The following ITPR1 variants were observed in gnomAD, a reference collection of about 807,000 sequenced individuals.
The protein encoded by ITPR1 is inositol 1,4,5-trisphosphate receptor type 1.
ITPR1 carries 96 observed loss-of-function variants against 318.4 expected under a neutral mutation model. The ratio of observed to expected loss-of-function variants is 0.30; its 90% CI spans 0.26 to 0.36. ITPR1 has a LOEUF of 0.36. Among genes scored for constraint, ITPR1 ranks in the 10% least tolerant of loss-of-function variants. The probability of loss-of-function intolerance (pLI) is 1.00; values close to 1 mark genes in which losing one functional copy is unlikely to be tolerated. For synonymous variants in ITPR1, 1,312 were observed against 1,289.9 expected (o/e 1.02, Z -0.37); for missense variants, 2,440 against 3,460.2 (o/e 0.71, Z 7.40).
At chr3:4,661,482 T>C (rs752330443) in intron 14 of ITPR1, among the ~76,000 whole-genome samples, 1 of 152,210 alleles carries the variant, frequency 6.6e-6, no homozygotes, top group Non-Finnish European at 1.5e-5. Context: ...TATACACTTT[T>C]ATTTCATGAA....
chr3:4,667,727 G>GTGCAT (rs1393505761), intron 18 of ITPR1, among the ~76,000 whole-genome samples, 178 bp downstream of exon 18: 1 of 152,142 alleles, frequency 6.6e-6, no homozygotes, highest in African/African-American at 2.4e-5. Context: ...AGACCTGGGG[G>GTGCAT]TGCATTCCTA....
At chr3:4,727,815 A>G (rs1001228368) in intron 42 of ITPR1, among the ~76,000 whole-genome samples, 8 of 152,140 alleles carry the variant, frequency 5.3e-5, no homozygotes, top group Admixed American at 2.0e-4. Flanking sequence ...GGCTCAAGCA[A>G]TCCTCTTGCC....
intron 39 of ITPR1, among the ~76,000 whole-genome samples, chr3:4,714,484 C>T (rs755920559): frequency 1.3e-5 from 2 of 152,162 alleles, no homozygotes; most frequent in Non-Finnish European, 2.9e-5. Flanking sequence ...GGCATGGCTT[C>T]TTCCAACTCT....
chr3:4,703,463 A>G (rs2094697114), intron 36 of ITPR1, among the ~76,000 whole-genome samples: 1 of 152,138 alleles, frequency 6.6e-6, no homozygotes, highest in South Asian at 2.1e-4. Context: ...AGCCTTTGAA[A>G]GGAAGTTAGG....
At chr3:4,503,222 T>A (rs1490853693) in intron 2 of ITPR1, among the ~76,000 whole-genome samples, 1 of 152,180 alleles carries the variant, frequency 6.6e-6, no homozygotes, top group Non-Finnish European at 1.5e-5. Context: ...CTTGGGAAAC[T>A]GTTGAGTATT....
At chr3:4,576,019 CAAAA>C (rs35517382) in intron 4 of ITPR1, among the ~76,000 whole-genome samples, 5 of 80,768 alleles carry the variant, frequency 6.2e-5, no homozygotes, top group Non-Finnish European at 5.7e-5. Context: ...GATGCTGTCT[CAAAA>C]AAAAAAAAAA....
chr3:4,583,178 C>G (rs967990716), intron 4 of ITPR1, among the ~76,000 whole-genome samples: 3 of 152,116 alleles, frequency 2.0e-5, no homozygotes, highest in African/African-American at 7.2e-5. Context: ...AAAAATACAG[C>G]TAAATAAACG....
At chr3:4,719,092 G>T (rs1008859736) in intron 40 of ITPR1, among the ~76,000 whole-genome samples, 5 of 152,190 alleles carry the variant, frequency 3.3e-5, no homozygotes, top group Admixed American at 3.3e-4. Context: ...TAGAACTTGG[G>T]TCTCCTGGCT....
rs530644976 is a variant in ITPR1 at position 4,550,138 on chromosome 3, C to T, written c.163+29044C>T. On this transcript the variant is annotated intron_variant, in intron 4 of 61. Coordinates refer to ENST00000649015, the MANE Select transcript of ITPR1 (RefSeq NM_001378452.1). ...AGCAAGTTGTCTGCTAACAGCTTGG[C>T]GCATGCCAGAAAGCTATTCTCGGTG... Among the ~76,000 whole-genome samples, 64 of 151,328 alleles carry T rather than the reference C, an allele frequency of 4.2e-4. 1 individual carries two copies. The highest frequency in any genetic ancestry group is 6.8e-3 in the Middle Eastern group (2 of 292).
chr3:4,523,543 C>A (rs144500216), intron 4 of ITPR1, among the ~76,000 whole-genome samples: 2 of 152,250 alleles, frequency 1.3e-5, no homozygotes, highest in East Asian at 3.9e-4. Context: ...ACTTATTCCT[C>A]CTAACTGAAA....
intron 2 of ITPR1, among the ~76,000 whole-genome samples, chr3:4,496,015 T>A (rs2080533420): frequency 1.3e-5 from 2 of 152,210 alleles, no homozygotes; most frequent in Admixed American, 6.5e-5. Flanking sequence ...AGGTATTAGA[T>A]ACTGTAATGA....
intron 4 of ITPR1, among the ~76,000 whole-genome samples, chr3:4,597,424 G>A (rs947542407): frequency 2.6e-5 from 4 of 152,192 alleles, no homozygotes; most frequent in South Asian, 2.1e-4. Flanking sequence ...TGATGAAGAC[G>A]TCATTTGAGC....
At chr3:4,840,007 C>G (rs1020252253) in intron 61 of ITPR1, among the ~76,000 whole-genome samples, 2 of 130,680 alleles carry the variant, frequency 1.5e-5, no homozygotes, top group Non-Finnish European at 3.1e-5. Flanking sequence ...CTCAGAATTA[C>G]AGGAAAAATT....
At position 4,652,227 on chromosome 3, in the gene ITPR1, C is replaced by T. The variant is rs908832824; in HGVS notation, c.951+9C>T. On this transcript the variant is annotated intron_variant, in intron 11 of 61. Transcript: ENST00000649015. ...ATTACTTGGCAGCAGAGGTAAGTAGCAGCTCCTGTGGTTTTCTCTTTCAAG... is the reference window on the plus strand; with the variant it reads ...ATTACTTGGCAGCAGAGGTAAGTAGTAGCTCCTGTGGTTTTCTCTTTCAAG... 3 of 1,596,808 alleles carry T rather than the reference C, an allele frequency of 1.9e-6. No individual in the cohort carries two copies. The highest frequency in any genetic ancestry group is 2.6e-6 in the Non-Finnish European group (3 of 1,167,616).
In ITPR1 at chr3:4,639,428, GA is replaced by G; in HGVS notation, c.327del (p.Lys109AsnfsTer6). 6.3e-7 allele frequency: 1 copy of G among 1,581,166 alleles called. No homozygotes were observed. Among genetic ancestry groups the G allele is most frequent in the Non-Finnish European group, 8.6e-7 (1 of 1,163,274 alleles). On this transcript the variant is annotated frameshift_variant, in exon 6 of 62. Transcript: ENST00000649015. LOFTEE classifies it high-confidence loss of function. Reference protein sequence around the residue: ...EKKQNETENRKLLGTVIQYGN... With the variant: ...EKKQNETENRXLLGTVIQYGN... ...AGAAGCAGAATGAGACAGAAAACAG[GA>G]AATTGCTGGGGACCGTAATCCAGTA...
intron 10 of ITPR1, among the ~76,000 whole-genome samples, chr3:4,650,959 G>T (rs2093584977): frequency 1.3e-5 from 2 of 152,184 alleles, no homozygotes; most frequent in Non-Finnish European, 2.9e-5. Flanking sequence ...GTACACTAAA[G>T]TGACCTGTGG....
chr3:4,728,148 A>G (rs1042928708), intron 42 of ITPR1, among the ~76,000 whole-genome samples: 2 of 152,238 alleles, frequency 1.3e-5, no homozygotes. Flanking sequence ...ATAAATTCCT[A>G]GAAGAGGAAT....
chr3:4,818,013 C>G (rs1251658250), intron 59 of ITPR1, 69 bp from the exon 60 acceptor site: 1 of 1,348,076 alleles, frequency 7.4e-7, no homozygotes, highest in Non-Finnish European at 1.0e-6. Flanking sequence ...ACTGACAGTT[C>G]TGTTATTGAT....
At position 4,670,845 on chromosome 3, in the gene ITPR1, T is replaced by C; in HGVS notation, c.2123T>C (p.Ile708Thr). The C allele has an allele frequency of 6.2e-7, 1 of 1,611,168 alleles. No individual in the cohort carries two copies. Among genetic ancestry groups the C allele is most frequent in the Non-Finnish European group, 8.5e-7 (1 of 1,178,722 alleles). Residue 708 changes from isoleucine (I) to threonine (T), a missense_variant, in exon 20 of 62, where the codon ATT (isoleucine) becomes ACT (threonine). Ile to Thr is a moderately conservative substitution (Grantham distance 89). Coordinates refer to ENST00000649015, the MANE Select transcript of ITPR1 (RefSeq NM_001378452.1). ...TTTTGGAGGGACAGCAACAAAGAGA[T>C]TCGCAGCAAGAGTGTGAGGGAATTG... The part of the protein sequence containing the change: ...WLFWRDSNKE[I>T]RSKSVRELAQ...
Sources: gnomAD v4.1 joint callset for allele counts (sites outside exome capture counted in the v4.1 genomes callset) on GRCh38, gnomAD v4.1.1 for gene constraint, MANE v1.5 for transcripts, NCBI Gene and HGNC (gene_info 2026-07-23, HGNC 2026-07-21) for gene names.